SOX6: variants seen among roughly 807,000 people sequenced by gnomAD.
SOX6 encodes the protein SRY-box transcription factor 6, also known as transcription factor SOX-6.
SOX6 carries 11 observed loss-of-function variants against 97.8 expected under a neutral mutation model. That is an observed-to-expected ratio of 0.11 (90% confidence interval 0.07 to 0.19). The LOEUF is 0.19. SOX6 is among the 10% of genes least tolerant of loss of function. The pLI, the probability that SOX6 is intolerant of heterozygous loss-of-function variation, is 1.00. For synonymous variants in SOX6, 360 were observed against 371.4 expected (o/e 0.97, Z 0.35); for missense variants, 810 against 1,039.5 (o/e 0.78, Z 3.04).
chr11:16,341,397 C>A, intron 1 of SOX6, 145 bp from the exon 2 acceptor site: 2 of 1,160,116 alleles, frequency 1.7e-6, no homozygotes, highest in Non-Finnish European at 2.4e-6. Context: ...TGAAAAAGAA[C>A]TCCTGGCTTA....
At chr11:16,688,860 T>A (rs1847989507) in intron 3 of SOX6, among the ~76,000 whole-genome samples, 1 of 152,242 alleles carries the variant, frequency 6.6e-6, no homozygotes, top group African/African-American at 2.4e-5. Flanking sequence ...TGTATTCCTA[T>A]GAATATGCTT....
intron 15 of SOX6, among the ~76,000 whole-genome samples, chr11:15,978,665 CT>C (rs2119807026): frequency 6.7e-6 from 1 of 150,246 alleles, no homozygotes; most frequent in Non-Finnish European, 1.5e-5. Flanking sequence ...TAAATATTAT[CT>C]ATATGCTGAC....
intron 9 of SOX6, among the ~76,000 whole-genome samples, chr11:16,058,710 G>A (rs1847876709): frequency 6.6e-6 from 1 of 152,010 alleles, no homozygotes; most frequent in Non-Finnish European, 1.5e-5. Context: ...GAATCTCATA[G>A]TCTGGTCTAT....
intron 4 of SOX6, among the ~76,000 whole-genome samples, chr11:16,531,981 G>C (rs1861243086): frequency 6.6e-6 from 1 of 151,892 alleles, no homozygotes; most frequent in East Asian, 1.9e-4. Context: ...ACTTTAGATA[G>C]TAAGTAAGAG....
chr11:16,368,930 A>G (rs1255326754), intron 1 of SOX6, among the ~76,000 whole-genome samples: 1 of 152,148 alleles, frequency 6.6e-6, no homozygotes, highest in Non-Finnish European at 1.5e-5. Context: ...ATTTGAATAG[A>G]TATTTCTCCA....
intron 6 of SOX6, among the ~76,000 whole-genome samples, chr11:16,124,406 T>C (rs903569406): frequency 6.6e-6 from 1 of 152,048 alleles, no homozygotes; most frequent in East Asian, 1.9e-4. Flanking sequence ...AAGTTGATAA[T>C]AGGAGTTTTA....
chr11:16,552,321 A>G (rs982938756), intron 4 of SOX6, among the ~76,000 whole-genome samples: 2 of 152,238 alleles, frequency 1.3e-5, no homozygotes, highest in African/African-American at 4.8e-5. Flanking sequence ...AAAGTCCACT[A>G]TAAAAACTTA....
intron 3 of SOX6, among the ~76,000 whole-genome samples, chr11:16,684,952 C>T (rs1847958015): frequency 1.3e-5 from 2 of 151,966 alleles, no homozygotes; most frequent in South Asian, 2.1e-4. Flanking sequence ...TGTCACATGG[C>T]GAGAATGGGA....
At chr11:16,712,078 T>TACACACACAC (rs58807051) in intron 3 of SOX6, among the ~76,000 whole-genome samples, 21 of 139,922 alleles carry the variant, frequency 1.5e-4, no homozygotes, top group African/African-American at 3.2e-4. Context: ...TAGTATTCCA[T>TACACACACAC]ACACACACAC....
chr11:16,591,984 A>C (rs1848159062), intron 4 of SOX6, among the ~76,000 whole-genome samples: 1 of 152,170 alleles, frequency 6.6e-6, no homozygotes, highest in African/African-American at 2.4e-5. Context: ...AAAATAACAA[A>C]GCATATTCGA....
intron 3 of SOX6, among the ~76,000 whole-genome samples, chr11:16,302,546 G>A (rs1855289005): frequency 7.2e-6 from 1 of 139,552 alleles, no homozygotes; most frequent in Non-Finnish European, 1.6e-5. Context: ...TACTTCTACA[G>A]CATTTTTTTT....
chr11:16,104,752 T>C (rs896446054), intron 7 of SOX6, among the ~76,000 whole-genome samples: 7 of 151,994 alleles, frequency 4.6e-5, no homozygotes, highest in African/African-American at 1.7e-4. Flanking sequence ...CCCTGAATAA[T>C]TATGCAGTCA....
At chr11:16,278,203 A>G in intron 3 of SOX6, among the ~76,000 whole-genome samples, 1 of 152,162 alleles carries the variant, frequency 6.6e-6, no homozygotes, top group East Asian at 1.9e-4. Context: ...AAAATGCCAA[A>G]TAACGTTTTT....
chr11:16,340,753 A>G (rs896129641), intron 2 of SOX6, among the ~76,000 whole-genome samples: 1 of 152,090 alleles, frequency 6.6e-6, no homozygotes, highest in Non-Finnish European at 1.5e-5. Context: ...AGAATAAGAT[A>G]ACCAATCCCC....
At chr11:16,331,612 C>G (rs1343733987) in intron 2 of SOX6, among the ~76,000 whole-genome samples, 1 of 152,026 alleles carries the variant, frequency 6.6e-6, no homozygotes, top group Non-Finnish European at 1.5e-5. Flanking sequence ...CTCTAGCTCT[C>G]TTGTTTAAGT....
At chr11:16,238,759 C>T (rs1231822790) in intron 3 of SOX6, among the ~76,000 whole-genome samples, 1 of 152,002 alleles carries the variant, frequency 6.6e-6, no homozygotes, top group East Asian at 1.9e-4. Flanking sequence ...CCCTTTACCT[C>T]GTGATATTTA....
At chr11:16,243,047 T>C (rs772383011) in intron 3 of SOX6, among the ~76,000 whole-genome samples, 1 of 151,962 alleles carries the variant, frequency 6.6e-6, no homozygotes, top group Non-Finnish European at 1.5e-5. Flanking sequence ...TCCCCACTTT[T>C]TGACTTACGA....
At chr11:16,615,950 A>G (rs1848466506) in intron 3 of SOX6, among the ~76,000 whole-genome samples, 1 of 152,228 alleles carries the variant, frequency 6.6e-6, no homozygotes, top group Non-Finnish European at 1.5e-5. Context: ...AAGGAAAAAT[A>G]TAAGGGTTAT....
chr11:16,711,291 G>A (rs1848177676), intron 3 of SOX6, among the ~76,000 whole-genome samples: 1 of 152,150 alleles, frequency 6.6e-6, no homozygotes, highest in South Asian at 2.1e-4. Flanking sequence ...CACTTGGAGA[G>A]GCCAAGGCAG....
Sources: allele counts gnomAD v4.1 joint callset (sites outside exome capture counted in the v4.1 genomes callset), GRCh38; gene constraint gnomAD v4.1.1; transcripts MANE v1.5; gene names NCBI Gene and HGNC (gene_info 2026-07-23, HGNC 2026-07-21).